The following CARMIL1 variants were observed in gnomAD, a reference collection of about 807,000 sequenced individuals.
CARMIL1 encodes the protein capping protein regulator and myosin 1 linker 1, also known as F-actin-uncapping protein LRRC16A.
CARMIL1 carries 90 observed loss-of-function variants against 177.1 expected under a neutral mutation model. The ratio of observed to expected loss-of-function variants is 0.51; its 90% CI spans 0.43 to 0.61. The LOEUF is 0.61. Ranked by LOEUF, CARMIL1 falls within the 20% of genes least tolerant of loss-of-function variation. The probability of loss-of-function intolerance (pLI) is 0.00; values close to 1 mark genes in which losing one functional copy is unlikely to be tolerated. For missense variants in CARMIL1, 1,380 were observed against 1,667.0 expected, an observed-to-expected ratio of 0.83 and a Z score of 3.00; for synonymous variants, 577 against 606.2, an observed-to-expected ratio of 0.95 and a Z score of 0.71.
intron 11 of CARMIL1, chr6:25,479,253 G>A: frequency 1.9e-6 from 1 of 518,768 alleles, no homozygotes; most frequent in Non-Finnish European, 3.8e-6. Context: ...GATGAGCTTT[G>A]CCTGTTCTTT....
At chr6:25,434,579 A>G (rs1299973585) in intron 4 of CARMIL1, among the ~76,000 whole-genome samples, 3 of 138,306 alleles carry the variant, frequency 2.2e-5, no homozygotes, top group East Asian at 2.2e-4. Flanking sequence ...GCTGGAGTGC[A>G]GTGGCACGAT....
At chr6:25,538,072 C>G (rs1023517855) in intron 25 of CARMIL1, 89 bp downstream of exon 25, 71 of 1,402,086 alleles carry the variant, frequency 5.1e-5, no homozygotes, top group Non-Finnish European at 6.6e-5. Context: ...AACTTTCTCT[C>G]TCTACCCAAT....
At chr6:25,311,879 T>C (rs1783850186) in intron 2 of CARMIL1, among the ~76,000 whole-genome samples, 1 of 152,234 alleles carries the variant, frequency 6.6e-6, no homozygotes, top group Non-Finnish European at 1.5e-5. Context: ...CCACTCTCGA[T>C]TACTAGCCAC....
chr6:25,377,905 A>AG (rs1791150894), intron 2 of CARMIL1, among the ~76,000 whole-genome samples: 1 of 152,118 alleles, frequency 6.6e-6, no homozygotes, highest in Admixed American at 6.5e-5. Context: ...TTATGTACCC[A>AG]GGGGAAGTAC....
intron 12 of CARMIL1, 122 bp from the exon 13 acceptor site, chr6:25,488,360 A>T: frequency 1.3e-6 from 1 of 763,376 alleles, no homozygotes; most frequent in South Asian, 1.4e-5. Flanking sequence ...CCTTTCAGGG[A>T]CAGTGCTCAT....
intron 16 of CARMIL1, among the ~76,000 whole-genome samples, chr6:25,495,594 C>T (rs1004359187): frequency 1.3e-5 from 2 of 150,448 alleles, no homozygotes; most frequent in Non-Finnish European, 3.0e-5. Flanking sequence ...AGCATTTACT[C>T]TAAATCTTTC....
chr6:25,471,287 TTGCTTTAAAACTCTG>T, intron 10 of CARMIL1, 30 bp downstream of exon 10: 1 of 1,523,602 alleles, frequency 6.6e-7, no homozygotes, highest in Non-Finnish European at 9.0e-7. Flanking sequence ...TATAAATATG[TTGCTTTAAAACTCTG>T]TGCCATTTGC....
At chr6:25,432,883 A>C (rs894557136) in intron 4 of CARMIL1, 1 of 139,956 alleles carries the variant, frequency 7.1e-6, no homozygotes, top group Non-Finnish European at 1.6e-5. Context: ...TGAATCATAC[A>C]TAAGTTACTA....
intron 9 of CARMIL1, among the ~76,000 whole-genome samples, chr6:25,468,594 A>G (rs1274005394): frequency 6.6e-6 from 1 of 152,214 alleles, no homozygotes; most frequent in African/African-American, 2.4e-5. Context: ...TTTGGATAAC[A>G]CTGTTGGAAT....
In CARMIL1 at chr6:25,427,693, A is replaced by G. The variant is rs1310994476; in HGVS notation, c.249+1133A>G. ...GTCCCCAGCAGCATATGAGAGTTGTAGTCCCTCCACATCCTCCCCAACACT... is the reference window on the plus strand; with the variant it reads ...GTCCCCAGCAGCATATGAGAGTTGTGGTCCCTCCACATCCTCCCCAACACT... On this transcript the variant is annotated intron_variant, in intron 4 of 36. Coordinates refer to ENST00000329474, the MANE Select transcript of CARMIL1 (RefSeq NM_017640.6). Among the ~76,000 whole-genome samples, 3 of 152,166 alleles carry G rather than the reference A, an allele frequency of 2.0e-5. No homozygotes were observed. The East Asian group carries it at 5.8e-4, about 29-fold the overall frequency.
intron 16 of CARMIL1, among the ~76,000 whole-genome samples, chr6:25,497,118 A>G (rs1179572078): frequency 6.6e-6 from 1 of 152,198 alleles, no homozygotes; most frequent in Non-Finnish European, 1.5e-5. Context: ...ATGGCTGAAG[A>G]TTGTGTAAAT....
intron 20 of CARMIL1, among the ~76,000 whole-genome samples, chr6:25,512,965 A>G (rs1805604237): frequency 6.6e-6 from 1 of 152,258 alleles, no homozygotes. Flanking sequence ...TAGTAATGTT[A>G]CACAGAAGTA....
At chr6:25,450,757 TCC>T in intron 8 of CARMIL1, 46 bp downstream of exon 8, 1 of 440,468 alleles carries the variant, frequency 2.3e-6, no homozygotes, top group Admixed American at 3.4e-5. Context: ...CCTCCCTTCC[TCC>T]CTCCCTTCCT....
intron 17 of CARMIL1, among the ~76,000 whole-genome samples, chr6:25,501,793 C>T (rs2151023528): frequency 6.6e-6 from 1 of 151,992 alleles, no homozygotes; most frequent in Middle Eastern, 3.4e-3. Flanking sequence ...GGCACCAAGC[C>T]AGTACTAAAT....
intron 2 of CARMIL1, among the ~76,000 whole-genome samples, chr6:25,402,404 T>A (rs1190366892): frequency 6.6e-6 from 1 of 152,198 alleles, no homozygotes; most frequent in Non-Finnish European, 1.5e-5. Flanking sequence ...TAAAAACTGC[T>A]AAGACCAAGC....
At chr6:25,588,608 G>A (rs555213653) in intron 31 of CARMIL1, among the ~76,000 whole-genome samples, 5 of 152,318 alleles carry the variant, frequency 3.3e-5, no homozygotes, top group Admixed American at 6.5e-5. Flanking sequence ...AGGGATGGAG[G>A]CATGCTTATA....
chr6:25,515,921 G>T lies in CARMIL1; in HGVS notation c.1805+74G>T. On this transcript the variant is annotated intron_variant, in intron 21 of 36. Transcript: ENST00000329474. This position sits in a 1 kb window ranked among gnomAD's most constrained non-coding sequence, Gnocchi z 5.0. The stretch of plus-strand genomic sequence containing the variant: ...TCCGAACAGCAAGCATTGCAGAGCT[G>T]CTGGGCCCGAGGGGACCTGGGCTTC... The T allele has an allele frequency of 2.0e-6, 3 of 1,464,690 alleles. No homozygotes were observed. Among genetic ancestry groups the T allele is most frequent in the Non-Finnish European group, 2.7e-6 (3 of 1,091,774 alleles). The allele number at this position is 1,464,690 out of a possible 1,614,324, so 90.7% of individuals were successfully genotyped here.
intron 24 of CARMIL1, among the ~76,000 whole-genome samples, chr6:25,535,448 G>C (rs1808195996): frequency 6.6e-6 from 1 of 152,144 alleles, no homozygotes; most frequent in African/African-American, 2.4e-5. Context: ...CAGGAAGGGT[G>C]TAAGAAGACA....
intron 2 of CARMIL1, among the ~76,000 whole-genome samples, chr6:25,363,557 C>T (rs577594505): frequency 1.3e-5 from 2 of 152,138 alleles, no homozygotes; most frequent in Non-Finnish European, 2.9e-5. Context: ...GGATAATGAC[C>T]GTTGAGTGAG....
Sources: gnomAD v4.1 joint callset for allele counts (sites outside exome capture counted in the v4.1 genomes callset) on GRCh38, gnomAD v4.1.1 for gene constraint, Gnocchi (gnomAD v3.1) non-coding constraint, MANE v1.5 for transcripts, NCBI Gene and HGNC (gene_info 2026-07-23, HGNC 2026-07-21) for gene names.